Variants in TMTC3 observed in about 807,000 individuals in gnomAD.
TMTC3 encodes transmembrane O-mannosyltransferase targeting cadherins 3.
TMTC3 carries 52 observed loss-of-function variants against 92.2 expected under a neutral mutation model. The observed-to-expected ratio is 0.56, with a 90% CI of 0.45 to 0.71. The LOEUF is 0.71. Among genes scored for constraint, TMTC3 ranks in the 30% least tolerant of loss-of-function variants. The pLI, the probability that TMTC3 is intolerant of heterozygous loss-of-function variation, is 0.00. For synonymous variants in TMTC3, 339 were observed against 363.3 expected, an observed-to-expected ratio of 0.93 and a Z score of 0.76; for missense variants, 896 against 1,057.1, an observed-to-expected ratio of 0.85 and a Z score of 2.11.
chr12:88,150,912 T>A (rs754188102), intron 2 of TMTC3, among the ~76,000 whole-genome samples: 1 of 152,160 alleles, frequency 6.6e-6, no homozygotes, highest in Non-Finnish European at 1.5e-5. Flanking sequence ...TTTGGACTCA[T>A]GTGAACCTCT....
chr12:88,176,063 A>G (rs2041255612), intron 9 of TMTC3, 145 bp from the exon 10 acceptor site: 3 of 539,582 alleles, frequency 5.6e-6, no homozygotes, highest in Middle Eastern at 5.5e-4. Flanking sequence ...AATTTGGTGA[A>G]GCAGTCTTTA....
chr12:88,176,163 A>ATT, intron 9 of TMTC3, 45 bp from the exon 10 acceptor site: 1 of 1,290,292 alleles, frequency 7.8e-7, no homozygotes, highest in Non-Finnish European at 1.1e-6. Flanking sequence ...AACTGGAGTC[A>ATT]TTTTTTTTTA....
In TMTC3 at chr12:88,196,351, G is replaced by A. The variant is rs1009644658; in HGVS notation, c.*702G>A. 6.6e-6 allele frequency: 1 copy of A among 151,288 alleles called. No homozygotes were observed. The highest frequency in any genetic ancestry group is 6.6e-5 in the Admixed American group (1 of 15,156). 9.4% of individuals were successfully genotyped at this position (151,288 alleles called of 1,614,324 possible). A position where few individuals can be genotyped will look rare whatever the true frequency, so the allele number is the denominator to read the frequency against. ...GCTCATATATACTGTATTTTTTGTT[G>A]TTTAGTTTTACTTATTGAGAGTGTC... On this transcript the variant is annotated 3_prime_UTR_variant, in exon 14 of 14. Coordinates refer to ENST00000266712, the MANE Select transcript of TMTC3 (RefSeq NM_181783.4).
At chr12:88,156,311 C>CT (rs1228761198) in intron 4 of TMTC3, among the ~76,000 whole-genome samples, 3 of 152,162 alleles carry the variant, frequency 2.0e-5, no homozygotes, top group Admixed American at 1.3e-4. Context: ...CAGGGCCACT[C>CT]TTTGTTCATC....
chr12:88,190,363 G>C, intron 11 of TMTC3, 90 bp from the exon 12 acceptor site: 1 of 1,175,668 alleles, frequency 8.5e-7, no homozygotes, highest in Non-Finnish European at 1.2e-6. Context: ...AGTATGTTCT[G>C]AGTTATTTTG....
rs761970793 is a variant in TMTC3 at position 88,160,798 on chromosome 12, A to G, written c.744A>G (p.Leu248=). 6.2e-7 allele frequency: 1 copy of G among 1,613,298 alleles called. No individual in the cohort carries two copies. The highest frequency in any genetic ancestry group is 8.5e-7 in the Non-Finnish European group (1 of 1,179,590). ...KLIVLMFSTL[L]LVVIRVQVIQ... The stretch of plus-strand genomic sequence containing the variant: ...TTGTCTTGATGTTCAGTACATTATT[A>G]CTTGTTGTGATTAGAGTCCAGGTTA... The change falls in exon 6 of 14, where the codon TTA becomes TTG. Residue 248 remains leucine, a synonymous_variant. Transcript: ENST00000266712.
At chr12:88,152,158 T>C (rs1235110107) in intron 2 of TMTC3, among the ~76,000 whole-genome samples, 2 of 152,178 alleles carry the variant, frequency 1.3e-5, no homozygotes, top group Non-Finnish European at 2.9e-5. Context: ...AAGGAAAATA[T>C]GTTTATTTGG....
intron 12 of TMTC3, among the ~76,000 whole-genome samples, chr12:88,192,030 T>TTTTTTTTTTTTTTTTTTTTTC (rs2041450244): frequency 6.8e-6 from 1 of 147,912 alleles, no homozygotes; most frequent in South Asian, 2.1e-4. Context: ...TTTTTTTTCT[T>TTTTTTTTTTTTTTTTTTTTTC]TTTTTTTTTT....
At chr12:88,186,196 C>T (rs1236478365) in intron 10 of TMTC3, among the ~76,000 whole-genome samples, 4 of 152,078 alleles carry the variant, frequency 2.6e-5, no homozygotes, top group African/African-American at 4.8e-5. Flanking sequence ...CATCCCTAGG[C>T]AGGATGACTG....
chr12:88,187,880 CTTCT>C (rs1223533566), intron 10 of TMTC3, among the ~76,000 whole-genome samples: 2 of 152,122 alleles, frequency 1.3e-5, no homozygotes, highest in South Asian at 4.1e-4. Context: ...TTCTACCTTC[CTTCT>C]ATCATTATTC....
Position 88,166,502 on chromosome 12 carries a change from T to A in TMTC3, c.970T>A (p.Phe324Ile). 1 of 1,613,928 alleles carries A rather than the reference T, an allele frequency of 6.2e-7. No homozygotes were observed. The highest frequency in any genetic ancestry group is 8.5e-7 in the Non-Finnish European group (1 of 1,179,910). The change falls in exon 7 of 14, where the codon TTT (phenylalanine) becomes ATT (isoleucine). Residue 324 changes from phenylalanine to isoleucine, a missense_variant. By Grantham distance (21) the Phe-to-Ile change is conservative. Coordinates refer to ENST00000266712, the MANE Select transcript of TMTC3 (RefSeq NM_181783.4). ...ACTAGATATTCGAAATCTGGCCACA[T>A]TTACTTTCTTTTGTTTTCTGGGGAT... Reference protein sequence around the residue: ...SLLDIRNLATFTFFCFLGMLG... With the variant: ...SLLDIRNLATITFFCFLGMLG...
At position 88,195,767 on chromosome 12, in the gene TMTC3, T is replaced by C. The variant is rs985285174; in HGVS notation, c.*118T>C. ...TCCTAATGGTCAATCATGAGCTGCC[T>C]TGAAGTAGGATCAAAATAAGATTTT... On this transcript the variant is annotated 3_prime_UTR_variant, in exon 14 of 14. Transcript: ENST00000266712. 2.7e-6 allele frequency: 2 copies of C among 741,886 alleles called. No homozygotes were observed. The highest frequency in any genetic ancestry group is 5.5e-5 in the East Asian group (2 of 36,308). The allele number at this position is 741,886 out of a possible 1,614,324, so 46.0% of individuals were successfully genotyped here. A position where few individuals can be genotyped will look rare whatever the true frequency, so the allele number is the denominator to read the frequency against.
rs528569212 is a variant in TMTC3 at position 88,148,835 on chromosome 12, C to T, written c.189+331C>T. The stretch of plus-strand genomic sequence containing the variant: ...TGATGTTTGGGGTACCAATCTGTCA[C>T]CCAGACAGCGAGTATAGTACCCAAT... On this transcript the variant is annotated intron_variant, in intron 2 of 13. Transcript: ENST00000266712. Among the ~76,000 whole-genome samples, 217 of 151,806 alleles carry T rather than the reference C, an allele frequency of 1.4e-3. 1 individual carries two copies. Among genetic ancestry groups the T allele is most frequent in the Middle Eastern group, 0.01 (3 of 294 alleles).
intron 12 of TMTC3, among the ~76,000 whole-genome samples, chr12:88,191,523 A>G (rs2041442497): frequency 1.3e-5 from 2 of 152,220 alleles, no homozygotes; most frequent in African/African-American, 4.8e-5. Context: ...ATTTGTACAT[A>G]TGTAAAAATA....
intron 10 of TMTC3, among the ~76,000 whole-genome samples, chr12:88,177,748 T>C (rs955435013): frequency 6.6e-6 from 1 of 152,198 alleles, no homozygotes; most frequent in Non-Finnish European, 1.5e-5. Flanking sequence ...CATTACTAAA[T>C]ATCCTTGAAG....
At chr12:88,148,582 T>C (rs1003128451) in intron 2 of TMTC3, 78 bp downstream of exon 2, 1 of 1,015,752 alleles carries the variant, frequency 9.8e-7, no homozygotes, top group Non-Finnish European at 1.4e-6. Context: ...TCTAATTCTT[T>C]ATCAACATTA....
At chr12:88,179,994 C>T (rs2041299411) in intron 10 of TMTC3, among the ~76,000 whole-genome samples, 2 of 152,128 alleles carry the variant, frequency 1.3e-5, no homozygotes, top group South Asian at 2.1e-4. Context: ...TTTTGCAAAA[C>T]CTCCTGGCCT....
At chr12:88,154,700 T>C (rs1397815029) in intron 4 of TMTC3, among the ~76,000 whole-genome samples, 3 of 152,178 alleles carry the variant, frequency 2.0e-5, no homozygotes, top group Non-Finnish European at 2.9e-5. Flanking sequence ...ATTAATGATA[T>C]AGATTCCAGT....
intron 2 of TMTC3, 148 bp downstream of exon 2, chr12:88,148,652 G>A: frequency 1.7e-6 from 1 of 599,524 alleles, no homozygotes; most frequent in Non-Finnish European, 2.7e-6. Context: ...TAACATGTTT[G>A]TAATAAATTG....
Sources: gnomAD v4.1 joint callset for allele counts (sites outside exome capture counted in the v4.1 genomes callset) on GRCh38, gnomAD v4.1.1 for gene constraint, MANE v1.5 for transcripts, NCBI Gene and HGNC (gene_info 2026-07-23, HGNC 2026-07-21) for gene names.